The following ANK3 variants were observed in gnomAD, a reference collection of about 807,000 sequenced individuals.
The protein encoded by ANK3 is ankyrin 3, also known as ankyrin-3.
In ANK3, 57 loss-of-function variants were observed where a neutral mutation model predicts 370.9. The ratio of observed to expected loss-of-function variants is 0.15; its 90% CI spans 0.12 to 0.19. ANK3 has a LOEUF of 0.19. Among genes scored for constraint, ANK3 ranks in the 10% least tolerant of loss-of-function variants. The pLI, the probability that ANK3 is intolerant of heterozygous loss-of-function variation, is 1.00. For synonymous variants in ANK3, 1,929 were observed against 1,946.3 expected (o/e 0.99, Z 0.23); for missense variants, 4,439 against 5,302.1 (o/e 0.84, Z 5.06).
intron 16 of ANK3, among the ~76,000 whole-genome samples, chr10:60,192,440 T>C (rs1410420808): frequency 2.0e-5 from 3 of 150,864 alleles, no homozygotes; most frequent in Admixed American, 1.3e-4. Flanking sequence ...AATTATAATA[T>C]ATACAATTTA....
chr10:60,348,369 A>ACACAC lies in ANK3; in HGVS notation c.114+41055_114+41056insGTGTG, dbSNP rs556542618. On this transcript the variant is annotated intron_variant, in intron 1 of 43. Coordinates refer to ENST00000280772, the MANE Select transcript of ANK3 (RefSeq NM_020987.5). ...AGCCAAAAAAAAAAAAAAAAAAAAA[A>ACACAC]ACACAAAAAACAAAAAAAACGAACT... is the stretch of plus-strand genomic sequence containing the variant. Among the ~76,000 whole-genome samples the ACACAC allele has an allele frequency of 1.6e-3, 201 of 127,992 alleles. 5 individuals are homozygous for ACACAC. In the East Asian group the frequency reaches 0.029, roughly 19 times the overall value. 84.0% of individuals were successfully genotyped at this position (127,992 alleles called of 152,430 possible). A position where few individuals can be genotyped will look rare whatever the true frequency, so the allele number is the denominator to read the frequency against.
At chr10:60,641,638 G>A (rs1306813688) in intron 1 of ANK3, among the ~76,000 whole-genome samples, 1 of 151,994 alleles carries the variant, frequency 6.6e-6, no homozygotes, top group Non-Finnish European at 1.5e-5. Context: ...ATTCAAGATG[G>A]ATTAAAGACT....
chr10:60,498,797 A>G (rs908865008), intron 2 of ANK3, among the ~76,000 whole-genome samples: 10 of 152,230 alleles, frequency 6.6e-5, no homozygotes, highest in Non-Finnish European at 1.5e-4. Context: ...TGCCATTCAA[A>G]TCATTACTAT....
rs926634479 is a variant in ANK3 at position 60,040,290 on chromosome 10, C to CT, written c.*19+2381dup. Among the ~76,000 whole-genome samples the CT allele has an allele frequency of 4.4e-3, 621 of 142,014 alleles. 1 individual carries two copies. Among genetic ancestry groups the CT allele is most frequent in the South Asian group, 6.3e-3 (28 of 4,434 alleles). The allele number at this position is 142,014 out of a possible 152,430, so 93.2% of individuals were successfully genotyped here. ...GGCAGCATTCTACTTGCTTAGTTTTCTTTTTTTTTTTTTAAAGAGGCAGCC... is the reference window on the plus strand; with the variant it reads ...GGCAGCATTCTACTTGCTTAGTTTTCTTTTTTTTTTTTTTAAAGAGGCAGCC... On this transcript the variant is annotated intron_variant, in intron 43 of 43. Transcript: ENST00000280772.
chr10:60,234,352 C>G (rs1565875713), intron 8 of ANK3, among the ~76,000 whole-genome samples: 1 of 152,266 alleles, frequency 6.6e-6, no homozygotes, highest in East Asian at 1.9e-4. Flanking sequence ...ACCAGCAGTG[C>G]ACAAGAGTAG....
intron 23 of ANK3, among the ~76,000 whole-genome samples, chr10:60,155,137 AC>A: frequency 6.6e-6 from 1 of 152,284 alleles, no homozygotes; most frequent in Non-Finnish European, 1.5e-5. Context: ...CAATCACAAT[AC>A]CCGATTTTAA....
At chr10:60,055,129 G>A (rs2078904399) in intron 42 of ANK3, among the ~76,000 whole-genome samples, 1 of 151,930 alleles carries the variant, frequency 6.6e-6, no homozygotes, top group South Asian at 2.1e-4. Flanking sequence ...ACTAACTGCT[G>A]TCAACTCACC....
At chr10:60,216,625 G>T (rs1313295159) in intron 8 of ANK3, among the ~76,000 whole-genome samples, 1 of 152,046 alleles carries the variant, frequency 6.6e-6, no homozygotes, top group Non-Finnish European at 1.5e-5. Flanking sequence ...CGATTTACTC[G>T]TGGTAGGTAA....
intron 1 of ANK3, chr10:60,684,626 A>C (rs2079244107): frequency 1.3e-6 from 2 of 1,590,112 alleles, no homozygotes; most frequent in Admixed American, 1.7e-5. Context: ...TACAGGCTGC[A>C]GTTCAATGAA....
At chr10:60,429,967 T>C (rs1390052155) in intron 2 of ANK3, among the ~76,000 whole-genome samples, 1 of 152,242 alleles carries the variant, frequency 6.6e-6, no homozygotes, top group East Asian at 1.9e-4. Context: ...TTAGTCCTAC[T>C]TGACTGTGGT....
At chr10:60,504,489 C>G (rs554670547) in intron 2 of ANK3, among the ~76,000 whole-genome samples, 1 of 152,092 alleles carries the variant, frequency 6.6e-6, no homozygotes, top group South Asian at 2.1e-4. Context: ...TTTTTTCCCC[C>G]CCAGAATGTA....
In ANK3 at chr10:60,276,081, T is replaced by C. The variant is rs147852611; in HGVS notation, c.414+2693A>G. On this transcript the variant is annotated intron_variant, in intron 4 of 43. Coordinates refer to ENST00000280772, the MANE Select transcript of ANK3 (RefSeq NM_020987.5). ...AGAGTTAACTTGTTAAGACCTAAGA[T>C]CAAGGCAATGACAAAAATTACTTTA... Among the ~76,000 whole-genome samples, 6 of 152,270 alleles carry C rather than the reference T, an allele frequency of 3.9e-5. No homozygotes were observed. In the East Asian group the frequency reaches 1.2e-3, roughly 29 times the overall value.
At chr10:60,589,682 A>G (rs1264564992) in intron 2 of ANK3, among the ~76,000 whole-genome samples, 1 of 152,226 alleles carries the variant, frequency 6.6e-6, no homozygotes, top group Non-Finnish European at 1.5e-5. Context: ...AAAAAAAGGC[A>G]TTGGTATGCC....
chr10:60,459,126 C>G (rs558790182), intron 2 of ANK3, among the ~76,000 whole-genome samples: 1 of 152,062 alleles, frequency 6.6e-6, no homozygotes, highest in African/African-American at 2.4e-5. Context: ...AATCGGCTTA[C>G]GAGGAACAAA....
At chr10:60,584,192 T>C (rs922871733) in intron 2 of ANK3, among the ~76,000 whole-genome samples, 1 of 152,210 alleles carries the variant, frequency 6.6e-6, no homozygotes, top group Non-Finnish European at 1.5e-5. Context: ...AAGAGGTCCA[T>C]AGGCTGGACC....
rs1011665982 is a variant in ANK3, at chr10:60,622,609, C to T, written c.58-7385G>A. Among the ~76,000 whole-genome samples the T allele has an allele frequency of 2.2e-4, 34 of 152,154 alleles. 1 individual carries two copies. ...GGAGCTACTGTTGTCTTGTTTACCA[C>T]TGTATCTCTTGTACCTGACATAGCA... is the stretch of plus-strand genomic sequence containing the variant. On this transcript the variant is annotated intron_variant, in intron 1 of 43. Transcript: ENST00000373827.
intron 2 of ANK3, among the ~76,000 whole-genome samples, chr10:60,446,720 A>C (rs2064456956): frequency 6.6e-6 from 1 of 152,168 alleles, no homozygotes; most frequent in South Asian, 2.1e-4. Context: ...CCAACTTAAA[A>C]AGTTTATTTG....
chr10:60,068,055 C>T (rs566900191), intron 37 of ANK3, 46 bp from the exon 38 acceptor site: 30 of 1,556,674 alleles, frequency 1.9e-5, no homozygotes, highest in South Asian at 9.1e-5. Flanking sequence ...AAGAAAGATA[C>T]GATACTGGAA....
Position 60,069,321 on chromosome 10 carries a change from T to C in ANK3, c.11560A>G (p.Lys3854Glu), listed in dbSNP as rs2082255354. The change falls in exon 37 of 44, where the codon AAG becomes GAG. Residue 3854 changes from lysine (K) to glutamate (E), a missense_variant. By Grantham distance (56) the Lys-to-Glu change is moderately conservative. Around this residue, in one of 13 missense-constraint regions of ANK3, gnomAD observed 496 missense variants for 529.3 expected, o/e 0.94. Coordinates refer to ENST00000280772, the MANE Select transcript of ANK3 (RefSeq NM_020987.5). ...QKVLGEQQKT[K>E]ELIGIRQKSK... is the part of the protein sequence containing the mutation. Reference sequence around the variant, plus strand: ...TTTTGCCTAATCCCTATCAATTCCTTTGTTTTTTGCTGTTCTCCAAGAACT... The same window carrying C: ...TTTTGCCTAATCCCTATCAATTCCTCTGTTTTTTGCTGTTCTCCAAGAACT... 1 of 1,614,116 alleles carries C rather than the reference T, an allele frequency of 6.2e-7. No individual in the cohort carries two copies. The highest frequency in any genetic ancestry group is 8.5e-7 in the Non-Finnish European group (1 of 1,180,006).
Sources: allele counts gnomAD v4.1 joint callset (sites outside exome capture counted in the v4.1 genomes callset), GRCh38; gene constraint gnomAD v4.1.1; regional missense constraint gnomAD v4.1.1; transcripts MANE v1.5; gene names NCBI Gene and HGNC (gene_info 2026-07-23, HGNC 2026-07-21).